Variants in NAV2 observed in about 807,000 individuals in gnomAD.
NAV2 encodes the protein neuron navigator 2.
Under a neutral mutation model 223.2 loss-of-function variants are expected in NAV2, and 54 were observed. The ratio of observed to expected loss-of-function variants is 0.24; its 90% CI spans 0.19 to 0.30. The LOEUF is 0.30. Ranked by LOEUF, NAV2 falls within the 10% of genes least tolerant of loss-of-function variation. NAV2 has a pLI of 1.00. For synonymous variants in NAV2, 1,279 were observed against 1,239.3 expected, an observed-to-expected ratio of 1.03 and a Z score of -0.67; for missense variants, 2,806 against 3,147.5, an observed-to-expected ratio of 0.89 and a Z score of 2.60.
intron 6 of NAV2, among the ~76,000 whole-genome samples, chr11:19,913,507 T>C (rs975042653): frequency 2.0e-5 from 3 of 152,194 alleles, no homozygotes; most frequent in African/African-American, 4.8e-5. Context: ...CTCCTCTTCA[T>C]ACAGAGAGAG....
At chr11:19,827,574 A>T (rs2059703621) in intron 1 of NAV2, among the ~76,000 whole-genome samples, 1 of 152,190 alleles carries the variant, frequency 6.6e-6, no homozygotes, top group South Asian at 2.1e-4. Context: ...GGCCAGCTTG[A>T]CTAGCTCAGA....
chr11:19,598,273 T>A (rs2046261784), intron 1 of NAV2, among the ~76,000 whole-genome samples: 1 of 151,950 alleles, frequency 6.6e-6, no homozygotes, highest in African/African-American at 2.4e-5. Context: ...TGCCAGGGGG[T>A]CCTCAGAGCT....
At chr11:19,939,128 A>G (rs143660758) in intron 7 of NAV2, among the ~76,000 whole-genome samples, 15 of 152,318 alleles carry the variant, frequency 9.8e-5, no homozygotes, top group Admixed American at 9.2e-4. Flanking sequence ...CTTTCATGTC[A>G]GAAGAACTAA....
At chr11:19,660,672 T>G (rs1425129071) in intron 1 of NAV2, among the ~76,000 whole-genome samples, 1 of 152,206 alleles carries the variant, frequency 6.6e-6, no homozygotes. Context: ...GTGGACAAGA[T>G]ATAGTACAAA....
At chr11:19,891,932 A>G (rs2153140566) in intron 5 of NAV2, among the ~76,000 whole-genome samples, 1 of 152,178 alleles carries the variant, frequency 6.6e-6, no homozygotes, top group South Asian at 2.1e-4. Context: ...TACTTATCCC[A>G]GAGGGAAAAA....
chr11:19,695,964 C>T (rs1231904210), intron 1 of NAV2, among the ~76,000 whole-genome samples: 4 of 148,100 alleles, frequency 2.7e-5, no homozygotes, highest in Admixed American at 2.0e-4. Flanking sequence ...CTGACTAAGG[C>T]CTTGTTCACT....
At chr11:19,664,383 G>T (rs112539324) in intron 1 of NAV2, among the ~76,000 whole-genome samples, 2 of 152,274 alleles carry the variant, frequency 1.3e-5, no homozygotes, top group African/African-American at 4.8e-5. Context: ...CAGTTTCCTA[G>T]TCCTGTCTGT....
chr11:19,604,186 A>T (rs1238144908), intron 1 of NAV2, among the ~76,000 whole-genome samples: 1 of 152,128 alleles, frequency 6.6e-6, no homozygotes, highest in African/African-American at 2.4e-5. Context: ...CGTGTGACTT[A>T]AACGTTTTTA....
intron 26 of NAV2, among the ~76,000 whole-genome samples, chr11:20,090,610 A>G (rs950972754): frequency 5.3e-5 from 8 of 152,270 alleles, no homozygotes; most frequent in African/African-American, 1.7e-4. Context: ...GTAACAATAC[A>G]GTAAATAATA....
intron 1 of NAV2, among the ~76,000 whole-genome samples, chr11:19,358,689 C>G (rs1181232585): frequency 6.6e-6 from 1 of 152,158 alleles, no homozygotes; most frequent in South Asian, 2.1e-4. Context: ...CCTTTATGTT[C>G]AGAATCCAGG....
At position 19,817,952 on chromosome 11, in the gene NAV2, C is replaced by T. The variant is rs182383469; in HGVS notation, c.268-14532C>T. Reference sequence around the variant, plus strand: ...GGGGAGAGTTCGGATCGTATTCAGTCTCCCTAAAGGCCCCTCGATCTCATC... The same window carrying T: ...GGGGAGAGTTCGGATCGTATTCAGTTTCCCTAAAGGCCCCTCGATCTCATC... On this transcript the variant is annotated intron_variant, in intron 1 of 37. Transcript: ENST00000349880. Among the ~76,000 whole-genome samples, 302 of 152,272 alleles carry T rather than the reference C, an allele frequency of 2.0e-3. 1 individual carries two copies. Among genetic ancestry groups the T allele is most frequent in the African/African-American group, 7.0e-3 (292 of 41,542 alleles).
rs79023915 is a variant in NAV2 at position 19,465,134 on chromosome 11, G to A, written c.75+114107G>A. On this transcript the variant is annotated intron_variant, in intron 1 of 37. Coordinates refer to the NAV2 transcript ENST00000360655. Reference sequence around the variant, plus strand: ...CTTAAAATGGAGCTATTTTACAGGGGAGCCTGGGAAACCATCTGTGAAGGG... The same window carrying A: ...CTTAAAATGGAGCTATTTTACAGGGAAGCCTGGGAAACCATCTGTGAAGGG... Among the ~76,000 whole-genome samples the A allele has an allele frequency of 7.2e-4, 109 of 152,276 alleles. 2 individuals are homozygous for A. The highest frequency in any genetic ancestry group is 2.1e-3 in the African/African-American group (89 of 41,546).
chr11:19,557,081 A>C (rs1166950266), intron 1 of NAV2, among the ~76,000 whole-genome samples: 1 of 152,234 alleles, frequency 6.6e-6, no homozygotes, highest in African/African-American at 2.4e-5. Flanking sequence ...TTTTAAAATT[A>C]AATAAGCAAA....
chr11:19,933,443 C>A lies in NAV2; in HGVS notation c.1199C>A (p.Ser400Tyr). 1 of 1,599,392 alleles carries A rather than the reference C, an allele frequency of 6.3e-7. No homozygotes were observed. The highest frequency in any genetic ancestry group is 1.7e-5 in the Admixed American group (1 of 57,312). The change falls in exon 7 of 38, where the codon TCC (serine) becomes TAC (tyrosine). Residue 400 changes from serine (S) to tyrosine (Y), a missense_variant. Ser to Tyr is a moderately radical substitution (Grantham distance 144). This residue lies in a region of NAV2 where 1,167 missense variants were observed against 1,180.5 expected (regional missense o/e 0.99). Coordinates refer to ENST00000349880, the MANE Select transcript of NAV2 (RefSeq NM_145117.5). This position sits in a 1 kb window ranked among gnomAD's most constrained non-coding sequence, Gnocchi z 4.3. Reference sequence around the variant, plus strand: ...AAGCCGGCCCCCAACAATCAGAAGTCCATGCTGGAAAAGCTGAAACTTTTC... The same window carrying A: ...AAGCCGGCCCCCAACAATCAGAAGTACATGCTGGAAAAGCTGAAACTTTTC... Reference protein sequence around the residue: ...AMKPAPNNQKSMLEKLKLFNS... With the variant: ...AMKPAPNNQKYMLEKLKLFNS...
intron 1 of NAV2, among the ~76,000 whole-genome samples, chr11:19,788,531 T>G (rs1287159069): frequency 6.6e-6 from 1 of 152,144 alleles, no homozygotes; most frequent in African/African-American, 2.4e-5. Flanking sequence ...TGCCATAATC[T>G]CCTAACTGGT....
intron 8 of NAV2, among the ~76,000 whole-genome samples, chr11:19,944,291 G>T (rs572993679): frequency 9.2e-5 from 14 of 152,326 alleles, no homozygotes; most frequent in African/African-American, 3.1e-4. Context: ...TATTTCTCAT[G>T]GTACACTAGT....
At position 20,049,000 on chromosome 11, in the gene NAV2, C is replaced by T; in HGVS notation, c.4175C>T (p.Ser1392Phe). ...TGGGGCACCAACGCCAGCAGCTCCTCCGCAGTTAGCAAGGATGGCCTGGGC... is the reference window on the plus strand; with the variant it reads ...TGGGGCACCAACGCCAGCAGCTCCTTCGCAGTTAGCAAGGATGGCCTGGGC... ...LTWGTNASSS[S>F]AVSKDGLGFQ... The change falls in exon 15 of 38, where the codon TCC (serine) becomes TTC (phenylalanine). Residue 1392 changes from serine to phenylalanine, a missense_variant. Around this residue, in one of 4 missense-constraint regions of NAV2, gnomAD observed 742 missense variants for 777.9 expected, o/e 0.95. Coordinates refer to ENST00000349880, the MANE Select transcript of NAV2 (RefSeq NM_145117.5). 1 of 1,614,198 alleles carries T rather than the reference C, an allele frequency of 6.2e-7. No homozygotes were observed. Among genetic ancestry groups the T allele is most frequent in the South Asian group, 1.1e-5 (1 of 91,080 alleles).
At chr11:19,596,893 G>C (rs187657939) in intron 1 of NAV2, among the ~76,000 whole-genome samples, 177 of 152,332 alleles carry the variant, frequency 1.2e-3, no homozygotes, top group African/African-American at 4.1e-3. Flanking sequence ...CAGTAGGTAG[G>C]TATAACTATC....
intron 1 of NAV2, among the ~76,000 whole-genome samples, chr11:19,647,457 T>C (rs2047849354): frequency 6.6e-6 from 1 of 152,064 alleles, no homozygotes; most frequent in African/African-American, 2.4e-5. Flanking sequence ...TCTGCCCACC[T>C]CCCTCCAGCA....
Sources: gnomAD v4.1 joint callset for allele counts (sites outside exome capture counted in the v4.1 genomes callset) on GRCh38, gnomAD v4.1.1 for gene constraint, gnomAD v4.1.1 regional missense constraint, Gnocchi (gnomAD v3.1) non-coding constraint, MANE v1.5 for transcripts, NCBI Gene and HGNC (gene_info 2026-07-23, HGNC 2026-07-21) for gene names.